The following PPIH variants were observed in gnomAD, a reference collection of about 807,000 sequenced individuals.
PPIH encodes the protein peptidyl-prolyl cis-trans isomerase H.
Under a neutral mutation model 27.6 loss-of-function variants are expected in PPIH, and 16 were observed. The ratio of observed to expected loss-of-function variants is 0.58; its 90% CI spans 0.39 to 0.88. The LOEUF (loss-of-function observed/expected upper bound fraction) is 0.88. Among genes scored for constraint, PPIH ranks in the 40% least tolerant of loss-of-function variants. PPIH has a pLI of 0.00. For missense variants in PPIH, 155 were observed against 224.1 expected, an observed-to-expected ratio of 0.69 and a Z score of 1.97; for synonymous variants, 63 against 76.1, an observed-to-expected ratio of 0.83 and a Z score of 0.90.
chr1:42,659,728 C>A (rs1471142134), intron 4 of PPIH, among the ~76,000 whole-genome samples, 162 bp downstream of exon 4: 2 of 152,232 alleles, frequency 1.3e-5, no homozygotes, highest in Non-Finnish European at 2.9e-5. Flanking sequence ...TCTAACTCTA[C>A]TTACACTCCC....
chr1:42,679,573 T>C (rs1341983986), downstream of PPIH, among the ~76,000 whole-genome samples: 1 of 152,232 alleles, frequency 6.6e-6, no homozygotes, highest in Admixed American at 6.5e-5. Flanking sequence ...AATGATACTT[T>C]TTAAAGTAAC....
downstream of PPIH, among the ~76,000 whole-genome samples, chr1:42,680,089 A>G (rs1406409402): frequency 1.3e-5 from 2 of 152,218 alleles, no homozygotes; most frequent in African/African-American, 4.8e-5. Flanking sequence ...TTCTTAACCT[A>G]GTAGCATCTG....
intron 9 of PPIH, among the ~76,000 whole-genome samples, chr1:42,671,071 T>C (rs1037330878): frequency 2.0e-5 from 3 of 152,152 alleles, no homozygotes; most frequent in Non-Finnish European, 2.9e-5. Context: ...GCTGGGATTA[T>C]AGGCGTGAGC....
In PPIH at chr1:42,658,424, A is replaced by C. The variant is rs780503436; in HGVS notation, c.-23A>C. On this transcript the variant is annotated 5_prime_UTR_variant, in exon 1 of 10. Coordinates refer to ENST00000304979, the MANE Select transcript of PPIH (RefSeq NM_006347.4). The stretch of plus-strand genomic sequence containing the variant: ...GGTTCGCCGGAATCCCACGCTCCCG[A>C]CTTCTGCTTCCGGGTCGGAGCCATG... 1.2e-6 allele frequency: 2 copies of C among 1,608,684 alleles called. No homozygotes were observed. Among genetic ancestry groups the C allele is most frequent in the Non-Finnish European group, 1.7e-6 (2 of 1,175,114 alleles).
At chr1:42,671,889 T>C (rs950406350) in intron 9 of PPIH, among the ~76,000 whole-genome samples, 12 of 148,818 alleles carry the variant, frequency 8.1e-5, no homozygotes, top group African/African-American at 2.6e-4. Flanking sequence ...TTCTTTCTTT[T>C]TTTTTTTTTT....
At chr1:42,677,203 G>A (rs1649917703), downstream of PPIH, among the ~76,000 whole-genome samples, 1 of 152,202 alleles carries the variant, frequency 6.6e-6, no homozygotes, top group Non-Finnish European at 1.5e-5. Flanking sequence ...ACCGGGTGCC[G>A]TGGCTCACAC....
chr1:42,672,087 C>T (rs1225567858), intron 9 of PPIH, among the ~76,000 whole-genome samples: 3 of 152,028 alleles, frequency 2.0e-5, no homozygotes, highest in Non-Finnish European at 4.4e-5. Flanking sequence ...GTTTCACCAT[C>T]TTGGCCAGGC....
intron 1 of PPIH, 145 bp downstream of exon 1, chr1:42,658,657 GA>G: frequency 1.8e-6 from 2 of 1,141,052 alleles, no homozygotes; most frequent in Non-Finnish European, 2.5e-6. Flanking sequence ...CGGGCGGGGG[GA>G]AAGGAGGAGG....
intron 5 of PPIH, among the ~76,000 whole-genome samples, chr1:42,664,609 G>A (rs563322460): frequency 1.3e-5 from 2 of 152,212 alleles, no homozygotes; most frequent in South Asian, 2.1e-4. Context: ...TTAATTGATC[G>A]TTCTAGAGGC....
At chr1:42,661,810 A>C (rs2148711043) in intron 5 of PPIH, among the ~76,000 whole-genome samples, 3 of 152,210 alleles carry the variant, frequency 2.0e-5, no homozygotes, top group African/African-American at 7.2e-5. Flanking sequence ...ATTCATCTGC[A>C]TGGTGTTGTA....
chr1:42,676,882 C>G (rs775395814), downstream of PPIH: 5 of 152,012 alleles, frequency 3.3e-5, no homozygotes, highest in Non-Finnish European at 7.3e-5. Context: ...CAGCATGGAC[C>G]AGAGCCAAGC....
intron 9 of PPIH, among the ~76,000 whole-genome samples, chr1:42,676,105 A>G (rs1289987279): frequency 6.6e-6 from 1 of 152,190 alleles, no homozygotes. Context: ...CTGGGGACCT[A>G]AAGGTCTGAC....
chr1:42,674,762 G>A (rs1030324169), intron 9 of PPIH, among the ~76,000 whole-genome samples: 15 of 152,216 alleles, frequency 9.9e-5, no homozygotes, highest in Admixed American at 1.3e-4. Context: ...GAAAATATGG[G>A]TCTGGGGAAC....
rs201021222 is a variant in PPIH at position 42,673,002 on chromosome 1, GT to G, written c.*22-3571del. ...TTTTATCTCAGTGAGTTCTGGGAGAGTTTTTTTTTTTAGACAGGGTCTTACT... is the reference window on the plus strand; with the variant it reads ...TTTTATCTCAGTGAGTTCTGGGAGAGTTTTTTTTTTAGACAGGGTCTTACT... On this transcript the variant is annotated intron_variant, in intron 9 of 9. Transcript: ENST00000304979. Among the ~76,000 whole-genome samples the G allele has an allele frequency of 1.7e-3, 235 of 140,174 alleles. 2 individuals carry two copies. The East Asian group carries it at 0.022, about 13-fold the overall frequency. 92.0% of individuals were successfully genotyped at this position (140,174 alleles called of 152,430 possible).
intron 4 of PPIH, 81 bp from the exon 5 acceptor site, chr1:42,660,781 G>C (rs558053393): frequency 8.1e-7 from 1 of 1,230,380 alleles, no homozygotes; most frequent in Non-Finnish European, 1.1e-6. Context: ...TGAAATCAAC[G>C]TTAATCTAAT....
chr1:42,661,468 C>T (rs1649012437), intron 5 of PPIH, among the ~76,000 whole-genome samples: 1 of 152,104 alleles, frequency 6.6e-6, no homozygotes, highest in South Asian at 2.1e-4. Context: ...TTTTGCTAAC[C>T]ATAGCTTTCT....
rs912926297 is a variant in PPIH at position 42,671,284 on chromosome 1, C to T, written c.*21+3844C>T. On this transcript the variant is annotated intron_variant, in intron 9 of 9. Coordinates refer to ENST00000304979, the MANE Select transcript of PPIH (RefSeq NM_006347.4). Reference sequence around the variant, plus strand: ...CTCTACTAAAATTACAAAAATTAGCCGGGCGTGATGACACACGCCTGTAAT... The same window carrying T: ...CTCTACTAAAATTACAAAAATTAGCTGGGCGTGATGACACACGCCTGTAAT... 5.9e-5 allele frequency among the ~76,000 whole-genome samples: 9 copies of T among 152,034 alleles called. No individual in the cohort carries two copies. The South Asian group carries it at 6.3e-4, about 11-fold the overall frequency.
At chr1:42,672,674 TCTCA>T (rs1452889864) in intron 9 of PPIH, among the ~76,000 whole-genome samples, 4 of 151,952 alleles carry the variant, frequency 2.6e-5, no homozygotes, top group Admixed American at 1.3e-4. Flanking sequence ...TAAGACAGAA[TCTCA>T]CTCCGTTGCC....
At chr1:42,658,766 C>A in intron 1 of PPIH, 78 bp from the exon 2 acceptor site, 2 of 1,498,162 alleles carry the variant, frequency 1.3e-6, no homozygotes, top group South Asian at 1.1e-5. Flanking sequence ...GGTGGTGGGT[C>A]AGCCCATCAT....
Sources: allele counts gnomAD v4.1 joint callset (sites outside exome capture counted in the v4.1 genomes callset), GRCh38; gene constraint gnomAD v4.1.1; transcripts MANE v1.5; gene names NCBI Gene and HGNC (gene_info 2026-07-23, HGNC 2026-07-21).